The following C6orf89 variants were observed in gnomAD, a reference collection of about 807,000 sequenced individuals.
The protein encoded by C6orf89 is bombesin receptor-activated protein C6orf89.
A neutral mutation model predicts 40.7 loss-of-function variants in C6orf89; 29 were observed. The ratio of observed to expected loss-of-function variants is 0.71; its 90% CI spans 0.53 to 0.97. The LOEUF is 0.97. Among genes scored for constraint, C6orf89 ranks in the 50% least tolerant of loss-of-function variants. C6orf89 has a pLI of 0.00. For missense variants in C6orf89, 392 were observed against 429.1 expected (o/e 0.91, Z 0.76); for synonymous variants, 165 against 152.2 (o/e 1.08, Z -0.62).
chr6:36,879,954 G>A (rs1049903796), intron 2 of C6orf89, among the ~76,000 whole-genome samples: 1 of 152,220 alleles, frequency 6.6e-6, no homozygotes, highest in African/African-American at 2.4e-5. Context: ...GGGAAGGGCA[G>A]TAGACTGCTC....
At chr6:36,885,424 G>A (rs982508708), upstream of C6orf89, among the ~76,000 whole-genome samples, 4 of 152,192 alleles carry the variant, frequency 2.6e-5, no homozygotes, top group African/African-American at 9.7e-5. Flanking sequence ...GGGGTTGCCT[G>A]ATTCGTGAAT....
In C6orf89 at chr6:36,925,128, A is replaced by G. The variant is rs1762638374; in HGVS notation, c.*1687A>G. 6.6e-6 allele frequency: 1 copy of G among 152,174 alleles called. No homozygotes were observed. Among genetic ancestry groups the G allele is most frequent in the East Asian group, 1.9e-4 (1 of 5,194 alleles). The allele number at this position is 152,174 out of a possible 1,614,324, so 9.4% of individuals were successfully genotyped here. The stretch of plus-strand genomic sequence containing the variant: ...ACAACAAAACTTGTGTACGTATGAA[A>G]GTCATGTTGTTAAGCAGTTATGATT... On this transcript the variant is annotated 3_prime_UTR_variant, in exon 9 of 9. Transcript: ENST00000480824.
At chr6:36,885,420 G>A (rs1774937675), upstream of C6orf89, among the ~76,000 whole-genome samples, 1 of 152,184 alleles carries the variant, frequency 6.6e-6, no homozygotes, top group Non-Finnish European at 1.5e-5. Context: ...TCTGGGGGTT[G>A]CCTGATTCGT....
At chr6:36,907,863 G>A (rs1387807776) in intron 4 of C6orf89, among the ~76,000 whole-genome samples, 1 of 152,206 alleles carries the variant, frequency 6.6e-6, no homozygotes, top group Non-Finnish European at 1.5e-5. Context: ...GTAAACTAGG[G>A]TGGCATGGGC....
Position 36,912,397 on chromosome 6 carries a change from C to T in C6orf89, c.404-1887C>T, listed in dbSNP as rs571106961. ...GCTTGCTTTCTCCTTCCCCTTCCATCGCAAGTACTTTGGAAACCGAAATGC... is the reference window on the plus strand; with the variant it reads ...GCTTGCTTTCTCCTTCCCCTTCCATTGCAAGTACTTTGGAAACCGAAATGC... On this transcript the variant is annotated intron_variant, in intron 4 of 8. Coordinates refer to ENST00000480824, the MANE Select transcript of C6orf89 (RefSeq NM_001286635.2). Among the ~76,000 whole-genome samples the T allele has an allele frequency of 1.8e-4, 27 of 152,292 alleles. 1 individual carries two copies. The highest frequency in any genetic ancestry group is 7.7e-4 in the East Asian group (4 of 5,190).
At chr6:36,871,849 A>T (rs1774517392), upstream of C6orf89, 1 of 1,601,566 alleles carries the variant, frequency 6.2e-7, no homozygotes, top group Non-Finnish European at 8.5e-7. Context: ...CTTCCAGTAC[A>T]GCTCCAGCAC....
chr6:36,922,981 G>A (rs1164133003), intron 8 of C6orf89, among the ~76,000 whole-genome samples: 1 of 152,112 alleles, frequency 6.6e-6, no homozygotes, highest in East Asian at 1.9e-4. Context: ...CATTTAAAGA[G>A]GACTGATAAT....
intron 1 of C6orf89, among the ~76,000 whole-genome samples, chr6:36,886,754 A>T (rs565503456): frequency 2.6e-5 from 4 of 152,210 alleles, no homozygotes; most frequent in Non-Finnish European, 4.4e-5. Flanking sequence ...CTGATGGCTC[A>T]TTTGGTAGTT....
intron 1 of C6orf89, among the ~76,000 whole-genome samples, chr6:36,889,918 CAGAA>C (rs1165490927): frequency 2.0e-5 from 3 of 152,066 alleles, no homozygotes; most frequent in African/African-American, 4.8e-5. Flanking sequence ...CTGGTAAAAA[CAGAA>C]AGAAAATATA....
chr6:36,877,268 CTG>C (rs1367175165), intron 1 of C6orf89, among the ~76,000 whole-genome samples: 5 of 152,166 alleles, frequency 3.3e-5, no homozygotes, highest in Non-Finnish European at 7.3e-5. Flanking sequence ...AGCAGAATTG[CTG>C]TGTCATAGGT....
intron 8 of C6orf89, among the ~76,000 whole-genome samples, chr6:36,922,708 C>T (rs1456109636): frequency 1.3e-5 from 2 of 152,190 alleles, no homozygotes; most frequent in Non-Finnish European, 2.9e-5. Context: ...GAATATCTTA[C>T]AGGACACTAC....
intron 4 of C6orf89, among the ~76,000 whole-genome samples, chr6:36,909,826 T>C (rs1762062493): frequency 6.6e-6 from 1 of 151,952 alleles, no homozygotes; most frequent in Non-Finnish European, 1.5e-5. Flanking sequence ...AAACAGAGGC[T>C]TATATATTAG....
Position 36,914,588 on chromosome 6 carries a change from A to G in C6orf89, c.590A>G (p.His197Arg), listed in dbSNP as rs763910026. The G allele has an allele frequency of 5.0e-6, 8 of 1,614,056 alleles. No individual in the cohort carries two copies. In the African/African-American group the frequency reaches 5.3e-5, roughly 11 times the overall value. The part of the protein sequence containing the change: ...GKPLLEEEIQ[H>R]FLCQYPEATE... ...CCCCTGTTGGAGGAAGAGATTCAGC[A>G]TTTTTTGTGCCAGTACCCTGAGGCG... Residue 197 changes from histidine to arginine, a missense_variant, in exon 6 of 9, where the codon CAT becomes CGT. His to Arg is a conservative substitution (Grantham distance 29). Transcript: ENST00000480824.
At chr6:36,907,422 C>G (rs1761969581) in intron 4 of C6orf89, among the ~76,000 whole-genome samples, 2 of 152,124 alleles carry the variant, frequency 1.3e-5, no homozygotes, top group Non-Finnish European at 2.9e-5. Flanking sequence ...GTAAATAACT[C>G]TCAGGCACCA....
At chr6:36,875,358 A>G (rs1300404339) in intron 1 of C6orf89, among the ~76,000 whole-genome samples, 1 of 152,364 alleles carries the variant, frequency 6.6e-6, no homozygotes, top group Middle Eastern at 3.4e-3. Flanking sequence ...TTCCATAGTC[A>G]TAAAGCAAAT....
chr6:36,896,896 G>A (rs1481220872), intron 2 of C6orf89, among the ~76,000 whole-genome samples: 2 of 152,142 alleles, frequency 1.3e-5, no homozygotes, highest in African/African-American at 4.8e-5. Flanking sequence ...GGGAGGCTGA[G>A]GCAGGCGAAT....
intron 1 of C6orf89, among the ~76,000 whole-genome samples, chr6:36,893,253 G>A (rs1761291462): frequency 1.3e-5 from 2 of 151,432 alleles, no homozygotes; most frequent in Non-Finnish European, 2.9e-5. Context: ...TTTTTTTTAA[G>A]GGATGAGTTT....
At chr6:36,914,782 G>C in intron 6 of C6orf89, 89 bp downstream of exon 6, 1 of 1,508,632 alleles carries the variant, frequency 6.6e-7, no homozygotes, top group South Asian at 1.2e-5. Flanking sequence ...TTGAGCCTAG[G>C]AGTTGCAGAC....
intron 1 of C6orf89, among the ~76,000 whole-genome samples, chr6:36,877,472 AG>A (rs1774690598): frequency 6.6e-6 from 1 of 152,228 alleles, no homozygotes. Context: ...CTGGGACTAC[AG>A]GCGCATGCCA....
Sources: allele counts gnomAD v4.1 joint callset (sites outside exome capture counted in the v4.1 genomes callset), GRCh38; gene constraint gnomAD v4.1.1; transcripts MANE v1.5; gene names NCBI Gene and HGNC (gene_info 2026-07-23, HGNC 2026-07-21).